ANKS1B: variants seen among roughly 807,000 people sequenced by gnomAD.
ANKS1B encodes the protein ankyrin repeat and sterile alpha motif domain containing 1B, also known as ankyrin repeat and sterile alpha motif domain-containing protein 1B.
ANKS1B carries 36 observed loss-of-function variants against 148.3 expected under a neutral mutation model. The observed-to-expected ratio is 0.24, with a 90% confidence interval of 0.19 to 0.32. ANKS1B has a LOEUF of 0.32. ANKS1B is among the 10% of genes least tolerant of loss of function. ANKS1B has a pLI of 1.00. For missense variants in ANKS1B, 1,157 were observed against 1,542.6 expected (o/e 0.75, Z 4.19); for synonymous variants, 542 against 560.8 (o/e 0.97, Z 0.47).
intron 1 of ANKS1B, among the ~76,000 whole-genome samples, chr12:99,931,369 T>C (rs978701518): frequency 1.6e-4 from 24 of 151,798 alleles, no homozygotes; most frequent in African/African-American, 5.8e-4. Flanking sequence ...AAAAAGAGAA[T>C]GACAGAGGGA....
chr12:99,255,332 C>T (rs1261768259), intron 12 of ANKS1B, among the ~76,000 whole-genome samples: 2 of 151,952 alleles, frequency 1.3e-5, no homozygotes, highest in African/African-American at 2.4e-5. Flanking sequence ...TGTAGATTTA[C>T]CCCCTTTTCT....
chr12:99,648,870 C>T (rs1258045458), intron 9 of ANKS1B: 14 of 1,479,846 alleles, frequency 9.5e-6, no homozygotes, highest in Non-Finnish European at 1.3e-5. Flanking sequence ...TTTGGTGCTG[C>T]AGCTCACCTG....
intron 14 of ANKS1B, chr12:99,154,790 T>C: frequency 6.9e-7 from 1 of 1,451,260 alleles, no homozygotes; most frequent in Non-Finnish European, 9.0e-7. Context: ...AGAATTCTTT[T>C]TTATCAAGTA....
At chr12:99,234,163 C>A (rs2087404150) in intron 14 of ANKS1B, among the ~76,000 whole-genome samples, 1 of 152,098 alleles carries the variant, frequency 6.6e-6, no homozygotes, top group Non-Finnish European at 1.5e-5. Flanking sequence ...TGCAGATAGA[C>A]AACACATACT....
At chr12:99,306,688 G>A (rs933651432) in intron 12 of ANKS1B, among the ~76,000 whole-genome samples, 7 of 152,084 alleles carry the variant, frequency 4.6e-5, no homozygotes, top group Admixed American at 3.9e-4. Context: ...TCTGGTCACT[G>A]TCCTTTTCCC....
chr12:99,215,843 G>C (rs1464131697), intron 14 of ANKS1B, among the ~76,000 whole-genome samples: 1 of 152,186 alleles, frequency 6.6e-6, no homozygotes, highest in Non-Finnish European at 1.5e-5. Flanking sequence ...GTGGACTTTT[G>C]AGTTAATGCT....
intron 12 of ANKS1B, among the ~76,000 whole-genome samples, chr12:99,348,660 G>A (rs976885504): frequency 2.0e-5 from 3 of 151,836 alleles, no homozygotes; most frequent in African/African-American, 7.2e-5. Context: ...TGCTGAAAGA[G>A]AAGAACTGTA....
At chr12:99,190,664 C>T (rs2080541708) in intron 14 of ANKS1B, among the ~76,000 whole-genome samples, 1 of 152,238 alleles carries the variant, frequency 6.6e-6, no homozygotes, top group Non-Finnish European at 1.5e-5. Flanking sequence ...AACTGCACCC[C>T]CTTCCTTACA....
At chr12:98,834,809 G>A (rs561664364) in intron 17 of ANKS1B, among the ~76,000 whole-genome samples, 2 of 152,038 alleles carry the variant, frequency 1.3e-5, no homozygotes, top group Non-Finnish European at 2.9e-5. Context: ...TTATATTCTT[G>A]TATTGTTTCT....
At chr12:98,914,447 C>A (rs1228122562) in intron 17 of ANKS1B, among the ~76,000 whole-genome samples, 1 of 152,162 alleles carries the variant, frequency 6.6e-6, no homozygotes, top group Non-Finnish European at 1.5e-5. Context: ...AAGTCCTCAG[C>A]AGTCATGTCT....
chr12:99,820,873 C>T (rs1263726522), intron 2 of ANKS1B, among the ~76,000 whole-genome samples: 1 of 151,886 alleles, frequency 6.6e-6, no homozygotes, highest in Non-Finnish European at 1.5e-5. Flanking sequence ...CACTTAAGCT[C>T]TAGACACAAC....
At chr12:99,131,523 C>G (rs2066076471) in intron 15 of ANKS1B, among the ~76,000 whole-genome samples, 2 of 152,278 alleles carry the variant, frequency 1.3e-5, no homozygotes, top group South Asian at 4.1e-4. Context: ...GCTCTGTCTT[C>G]TTTGTCTCAG....
At chr12:99,909,446 TA>T (rs1484866620) in intron 1 of ANKS1B, among the ~76,000 whole-genome samples, 1 of 152,178 alleles carries the variant, frequency 6.6e-6, no homozygotes, top group East Asian at 1.9e-4. Context: ...ATTGTAGTCT[TA>T]TTTTTAATTT....
In ANKS1B at chr12:99,363,296, C is replaced by A. The variant is rs2092591201; in HGVS notation, c.1756+36335G>T. 4.0e-5 allele frequency among the ~76,000 whole-genome samples: 6 copies of A among 151,766 alleles called. No homozygotes were observed. In the South Asian group the frequency reaches 1.0e-3, roughly 26 times the overall value. ...GAGAAATTATAGAAGAAATTATTTC[C>A]CTTAATAACAAATATTTCAATAAAA... On this transcript the variant is annotated intron_variant, in intron 12 of 26. Coordinates refer to ENST00000683438, the MANE Select transcript of ANKS1B (RefSeq NM_001352186.2).
chr12:99,469,896 G>A (rs2096209408), intron 10 of ANKS1B, among the ~76,000 whole-genome samples: 1 of 151,954 alleles, frequency 6.6e-6, no homozygotes, highest in Non-Finnish European at 1.5e-5. Context: ...GAGGTAGGAG[G>A]ATTGCTTGAG....
intron 1 of ANKS1B, among the ~76,000 whole-genome samples, chr12:99,920,259 C>T (rs1047009402): frequency 4.6e-5 from 7 of 152,010 alleles, no homozygotes; most frequent in African/African-American, 7.2e-5. Flanking sequence ...TAACTCCCAG[C>T]GAAAAATGTC....
At chr12:99,421,916 C>T (rs2095097660) in intron 11 of ANKS1B, among the ~76,000 whole-genome samples, 1 of 152,014 alleles carries the variant, frequency 6.6e-6, no homozygotes, top group South Asian at 2.1e-4. Flanking sequence ...TGTGGCACCT[C>T]CCCACCAACC....
In ANKS1B at chr12:99,846,121, A is replaced by T. The variant is rs563984664; in HGVS notation, c.135-20732T>A. ...ATTTTCCTTCTATTTCTGTCATTTT[A>T]TCTTGGCTTTATCTCTTGAAAATGG... On this transcript the variant is annotated intron_variant, in intron 1 of 26. Coordinates refer to ENST00000683438, the MANE Select transcript of ANKS1B (RefSeq NM_001352186.2). Among the ~76,000 whole-genome samples the T allele has an allele frequency of 8.9e-4, 135 of 151,862 alleles. 2 individuals carry two copies. The highest frequency in any genetic ancestry group is 2.9e-3 in the African/African-American group (121 of 41,416).
intron 10 of ANKS1B, among the ~76,000 whole-genome samples, chr12:99,459,433 A>G (rs771309929): frequency 4.5e-4 from 68 of 152,066 alleles, no homozygotes; most frequent in Admixed American, 7.2e-4. Flanking sequence ...AGAAAGAAAT[A>G]AAGGCCATCC....
Sources: gnomAD v4.1 joint callset for allele counts (sites outside exome capture counted in the v4.1 genomes callset) on GRCh38, gnomAD v4.1.1 for gene constraint, MANE v1.5 for transcripts, NCBI Gene and HGNC (gene_info 2026-07-23, HGNC 2026-07-21) for gene names.